UBE2Q2: variants seen among roughly 807,000 people sequenced by gnomAD.
UBE2Q2 encodes the protein ubiquitin-conjugating enzyme E2 Q2.
A neutral mutation model predicts 59.9 loss-of-function variants in UBE2Q2; 54 were observed. The observed-to-expected ratio is 0.90, with a 90% CI of 0.72 to 1.13. The LOEUF (loss-of-function observed/expected upper bound fraction) is 1.13. Among genes scored for constraint, UBE2Q2 ranks in the 50% most tolerant of loss-of-function variants. The pLI is 0.00. For synonymous variants in UBE2Q2, 165 were observed against 155.2 expected, an observed-to-expected ratio of 1.06 and a Z score of -0.47; for missense variants, 433 against 441.9, an observed-to-expected ratio of 0.98 and a Z score of 0.18.
chr15:75,896,981 TA>T lies in UBE2Q2; in HGVS notation c.1030-12del. 1 of 1,516,482 alleles carries T rather than the reference TA, an allele frequency of 6.6e-7. No homozygotes were observed. Among genetic ancestry groups the T allele is most frequent in the Non-Finnish European group, 9.0e-7 (1 of 1,110,786 alleles). 93.9% of individuals were successfully genotyped at this position (1,516,482 alleles called of 1,614,324 possible). On this transcript the variant is annotated splice_polypyrimidine_tract_variant and intron_variant, in intron 11 of 12. Coordinates refer to ENST00000267938, the MANE Select transcript of UBE2Q2 (RefSeq NM_173469.4). ...AATTACACTTTTGATTTAAAATGTG[TA>T]ATTCTCTTTCAGAATCAATATAATC...
At chr15:75,856,267 G>GTATATA (rs1420489766) in intron 2 of UBE2Q2, among the ~76,000 whole-genome samples, 1 of 102,414 alleles carries the variant, frequency 9.8e-6, no homozygotes, top group African/African-American at 4.0e-5. Flanking sequence ...GTGTGTGTGT[G>GTATATA]TGTATATATA....
chr15:75,873,394 G>A (rs1296816383), intron 4 of UBE2Q2, 34 bp from the exon 5 acceptor site: 4 of 1,555,858 alleles, frequency 2.6e-6, no homozygotes, highest in East Asian at 4.6e-5. Context: ...AGAAAAATAG[G>A]TTGAATAAGC....
chr15:75,875,520 T>TA (rs1444881368), intron 5 of UBE2Q2, among the ~76,000 whole-genome samples: 1 of 152,212 alleles, frequency 6.6e-6, no homozygotes, highest in Non-Finnish European at 1.5e-5. Context: ...TTTGTAGTCT[T>TA]ATGAATGGAA....
At chr15:75,882,603 A>G (rs190435802) in intron 8 of UBE2Q2, among the ~76,000 whole-genome samples, 1 of 152,350 alleles carries the variant, frequency 6.6e-6, no homozygotes, top group East Asian at 1.9e-4. Context: ...TCTGTTAAAT[A>G]TAGATGAAAG....
chr15:75,890,340 AC>A (rs1393589554), intron 9 of UBE2Q2, 94 bp from the exon 10 acceptor site: 1 of 861,020 alleles, frequency 1.2e-6, no homozygotes, highest in Non-Finnish European at 1.9e-6. Context: ...TCTCATCCTT[AC>A]TTGTGTGCAT....
chr15:75,882,839 G>T (rs1898508938), intron 8 of UBE2Q2, among the ~76,000 whole-genome samples: 1 of 152,066 alleles, frequency 6.6e-6, no homozygotes. Context: ...CTAAGGAGCC[G>T]GAGACTTAGC....
At chr15:75,894,365 C>G (rs552504834) in intron 11 of UBE2Q2, among the ~76,000 whole-genome samples, 1 of 151,936 alleles carries the variant, frequency 6.6e-6, no homozygotes, top group Non-Finnish European at 1.5e-5. Flanking sequence ...CTCAGGAGTT[C>G]GAGACCACCT....
intron 8 of UBE2Q2, among the ~76,000 whole-genome samples, chr15:75,879,927 G>A (rs1898309733): frequency 6.6e-6 from 1 of 152,162 alleles, no homozygotes; most frequent in African/African-American, 2.4e-5. Context: ...CATCTAGGTG[G>A]GAGGTAGGGA....
At position 75,846,333 on chromosome 15, in the gene UBE2Q2, G is replaced by T. The variant is rs1896344052; in HGVS notation, c.180+2487G>T. 2.6e-5 allele frequency among the ~76,000 whole-genome samples: 4 copies of T among 152,260 alleles called. 1 individual carries two copies. In the South Asian group the frequency reaches 8.3e-4, roughly 32 times the overall value. ...GCCCACTGCAACCTCCGCCTCCCAG[G>T]TTCAAGCAATTCTGCTGCCACCGCC... On this transcript the variant is annotated intron_variant, in intron 1 of 12. Transcript: ENST00000267938.
At position 75,844,112 on chromosome 15, in the gene UBE2Q2, G is replaced by T. The variant is rs545664644; in HGVS notation, c.180+266G>T. The T allele has an allele frequency of 1.2e-4, 172 of 1,415,250 alleles. No individual in the cohort carries two copies. In the African/African-American group the frequency reaches 2.2e-3, roughly 18 times the overall value. 87.7% of individuals were successfully genotyped at this position (1,415,250 alleles called of 1,614,324 possible). ...GGCCCATCTCGGTCCCCGTCTCCTA[G>T]CCCCGAGGGGGGAGTCCGCGGCGGC... On this transcript the variant is annotated intron_variant, in intron 1 of 12. Coordinates refer to ENST00000267938, the MANE Select transcript of UBE2Q2 (RefSeq NM_173469.4).
At chr15:75,844,221 G>C (rs1896192858) in intron 1 of UBE2Q2, 1 of 1,475,606 alleles carries the variant, frequency 6.8e-7, no homozygotes, top group Non-Finnish European at 9.0e-7. Flanking sequence ...GCGCAGCTCC[G>C]GCTGTTGTTT....
chr15:75,856,182 G>A (rs892081521), intron 2 of UBE2Q2, among the ~76,000 whole-genome samples: 4 of 149,780 alleles, frequency 2.7e-5, no homozygotes. Flanking sequence ...GTGAGACCCC[G>A]TCTCAAAAAA....
At chr15:75,866,064 A>C (rs1176302649) in intron 3 of UBE2Q2, among the ~76,000 whole-genome samples, 1 of 152,172 alleles carries the variant, frequency 6.6e-6, no homozygotes, top group Non-Finnish European at 1.5e-5. Context: ...ACAAATGAAA[A>C]GTCTGATGCC....
intron 1 of UBE2Q2, among the ~76,000 whole-genome samples, chr15:75,852,284 G>A (rs1480311775): frequency 6.6e-6 from 1 of 152,076 alleles, no homozygotes; most frequent in South Asian, 2.1e-4. Context: ...TGGTGTTACC[G>A]CCTTTATTTG....
chr15:75,858,865 C>T (rs995675251), intron 2 of UBE2Q2, among the ~76,000 whole-genome samples: 7 of 152,138 alleles, frequency 4.6e-5, no homozygotes, highest in Non-Finnish European at 5.9e-5. Context: ...CGTAATTTAC[C>T]GTTCAACCTT....
At chr15:75,873,234 T>C (rs529201190) in intron 4 of UBE2Q2, among the ~76,000 whole-genome samples, 194 bp from the exon 5 acceptor site, 55 of 152,320 alleles carry the variant, frequency 3.6e-4, no homozygotes, top group Middle Eastern at 3.4e-3. Flanking sequence ...GTCTAGATTT[T>C]AAATAAAATA....
At chr15:75,863,566 C>T (rs757240295) in intron 3 of UBE2Q2, among the ~76,000 whole-genome samples, 87 of 151,834 alleles carry the variant, frequency 5.7e-4, no homozygotes, top group Non-Finnish European at 9.3e-4. Flanking sequence ...GCCTCTCAGC[C>T]TTCCAAGTAG....
At position 75,860,085 on chromosome 15, in the gene UBE2Q2, T is replaced by G. The variant is rs1897133263; in HGVS notation, c.387+103T>G. 23 of 832,252 alleles carry G rather than the reference T, an allele frequency of 2.8e-5. 3 individuals carry two copies. The Middle Eastern group carries it at 4.0e-3, about 145-fold the overall frequency. 51.6% of individuals were successfully genotyped at this position (832,252 alleles called of 1,614,324 possible). A position where few individuals can be genotyped will look rare whatever the true frequency, so the allele number is the denominator to read the frequency against. ...TTTATTGTTCAACTTATTTAGAAGTTAGTTTCATTTTTGTTCCTATTGAAT... is the reference window on the plus strand; with the variant it reads ...TTTATTGTTCAACTTATTTAGAAGTGAGTTTCATTTTTGTTCCTATTGAAT... On this transcript the variant is annotated intron_variant, in intron 3 of 12. Transcript: ENST00000267938.
At chr15:75,880,372 C>T (rs1052267544) in intron 8 of UBE2Q2, among the ~76,000 whole-genome samples, 3 of 152,058 alleles carry the variant, frequency 2.0e-5, no homozygotes, top group African/African-American at 7.2e-5. Context: ...CTCGGCCTCC[C>T]AAAGTGCTGG....
Sources: gnomAD v4.1 joint callset for allele counts (sites outside exome capture counted in the v4.1 genomes callset) on GRCh38, gnomAD v4.1.1 for gene constraint, MANE v1.5 for transcripts, NCBI Gene and HGNC (gene_info 2026-07-23, HGNC 2026-07-21) for gene names.